CALN1: variants seen among roughly 807,000 people sequenced by gnomAD.
CALN1 encodes calcium-binding protein 8.
A neutral mutation model predicts 30.6 loss-of-function variants in CALN1; 17 were observed. The ratio of observed to expected loss-of-function variants is 0.56; its 90% confidence interval spans 0.38 to 0.83. CALN1 has a LOEUF of 0.83. CALN1 is among the 40% of genes least tolerant of loss of function. The pLI is 0.00. For synonymous variants in CALN1, 156 were observed against 131.4 expected (o/e 1.19, Z -1.28); for missense variants, 291 against 354.9 (o/e 0.82, Z 1.45).
At chr7:72,206,690 A>C (rs1371658301) in intron 3 of CALN1, among the ~76,000 whole-genome samples, 1 of 152,150 alleles carries the variant, frequency 6.6e-6, no homozygotes, top group Non-Finnish European at 1.5e-5. Context: ...TTGTTTTCAA[A>C]GAAAAAAAAA....
intron 5 of CALN1, among the ~76,000 whole-genome samples, chr7:71,902,640 T>C (rs897187293): frequency 6.6e-6 from 1 of 152,192 alleles, no homozygotes; most frequent in Non-Finnish European, 1.5e-5. Flanking sequence ...CTACTGGGTA[T>C]CTACCCGAAG....
chr7:71,868,257 G>A (rs560510548), intron 5 of CALN1, among the ~76,000 whole-genome samples: 4 of 152,268 alleles, frequency 2.6e-5, no homozygotes, highest in South Asian at 2.1e-4. Context: ...AGGAAGCATG[G>A]AGGCTTCTGC....
intron 4 of CALN1, 40 bp from the exon 5 acceptor site, chr7:72,023,809 G>T: frequency 6.8e-7 from 1 of 1,471,812 alleles, no homozygotes; most frequent in Non-Finnish European, 9.5e-7. Context: ...CAAACAAGCT[G>T]AACTTGACCT....
intron 2 of CALN1, among the ~76,000 whole-genome samples, chr7:72,284,190 G>C (rs1269473275): frequency 6.6e-6 from 1 of 152,174 alleles, no homozygotes; most frequent in Non-Finnish European, 1.5e-5. Context: ...TGCTACTCAG[G>C]AGGCTGAGGT....
intron 2 of CALN1, among the ~76,000 whole-genome samples, chr7:72,357,525 T>C (rs1382246979): frequency 6.6e-6 from 1 of 151,820 alleles, no homozygotes; most frequent in Non-Finnish European, 1.5e-5. Flanking sequence ...TAATCAAATC[T>C]CAGGGCTGCC....
At chr7:72,476,732 C>CA in the CALN1 span, among the ~76,000 whole-genome samples, 1 of 152,338 alleles carries the variant, frequency 6.6e-6, no homozygotes, top group Non-Finnish European at 1.5e-5. Context: ...TCATGCATTC[C>CA]ACACAATGAT....
At position 71,918,824 on chromosome 7, in the gene CALN1, G is replaced by C. The variant is rs972050012; in HGVS notation, c.501+104833C>G. Reference sequence around the variant, plus strand: ...ATCCATCTCTTAAAGCCATGTTCAAGTCTTCCTTCCTTTGTGAGACACTCC... The same window carrying C: ...ATCCATCTCTTAAAGCCATGTTCAACTCTTCCTTCCTTTGTGAGACACTCC... On this transcript the variant is annotated intron_variant, in intron 5 of 6. Transcript: ENST00000395275. Among the ~76,000 whole-genome samples the C allele has an allele frequency of 3.9e-5, 6 of 152,148 alleles. No individual in the cohort carries two copies. The East Asian group carries it at 1.2e-3, about 29-fold the overall frequency.
intron 4 of CALN1, among the ~76,000 whole-genome samples, chr7:72,032,873 C>T (rs1801551675): frequency 6.6e-6 from 1 of 152,158 alleles, no homozygotes; most frequent in African/African-American, 2.4e-5. Context: ...TGTTCAGGCC[C>T]TGCAGGGTCC....
chr7:71,896,163 C>T (rs964568343), intron 5 of CALN1, among the ~76,000 whole-genome samples: 1 of 152,054 alleles, frequency 6.6e-6, no homozygotes, highest in South Asian at 2.1e-4. Flanking sequence ...GTTTTTTAAC[C>T]GTCCATTCAT....
At chr7:72,453,068 G>A in the CALN1 span, among the ~76,000 whole-genome samples, 3 of 152,180 alleles carry the variant, frequency 2.0e-5, no homozygotes, top group African/African-American at 7.2e-5. Context: ...CCCCTCAGAG[G>A]TCCAGCCCTT....
chr7:72,225,758 G>C (rs1793627563), intron 3 of CALN1, among the ~76,000 whole-genome samples: 1 of 152,102 alleles, frequency 6.6e-6, no homozygotes, highest in Non-Finnish European at 1.5e-5. Flanking sequence ...TACCCACAAT[G>C]TCTAAGGCTT....
chr7:71,941,838 T>C (rs36046543), intron 5 of CALN1, among the ~76,000 whole-genome samples: 58,185 of 151,978 alleles, frequency 0.38, 11,358 homozygotes, highest in East Asian at 0.6. Context: ...TGAGTGAGAA[T>C]GTTTATTAGA....
At chr7:71,945,272 A>C (rs1235284041) in intron 5 of CALN1, among the ~76,000 whole-genome samples, 1 of 152,244 alleles carries the variant, frequency 6.6e-6, no homozygotes, top group Non-Finnish European at 1.5e-5. Context: ...ACCAGGAGCC[A>C]AGTAAACCTC....
At chr7:71,790,366 AGAAAAG>A (rs1407758895) in intron 6 of CALN1, among the ~76,000 whole-genome samples, 1 of 81,672 alleles carries the variant, frequency 1.2e-5, no homozygotes, top group African/African-American at 4.3e-5. Context: ...AAAGAAAGAA[AGAAAAG>A]AAAGAAAGAA....
intron 4 of CALN1, among the ~76,000 whole-genome samples, chr7:72,060,154 G>A (rs1300629115): frequency 6.6e-6 from 1 of 152,042 alleles, no homozygotes; most frequent in African/African-American, 2.4e-5. Flanking sequence ...AGAGAGTGGG[G>A]GAAATACTTC....
chr7:72,330,527 C>CT (rs1801601871), intron 2 of CALN1, among the ~76,000 whole-genome samples: 1 of 150,458 alleles, frequency 6.6e-6, no homozygotes, highest in Non-Finnish European at 1.5e-5. Flanking sequence ...TGAAGCAGTG[C>CT]TTGCATCTGT....
At chr7:71,790,356 AAAGAAAGAAAGAAAAGAAAGAAAG>A in intron 6 of CALN1, among the ~76,000 whole-genome samples, 1 of 102,022 alleles carries the variant, frequency 9.8e-6, no homozygotes, top group African/African-American at 3.4e-5. Context: ...GAAAAGAAAG[AAAGAAAGAAAGAAAAGAAAGAAAG>A]AAAGAAAGAA....
intron 3 of CALN1, among the ~76,000 whole-genome samples, chr7:72,247,182 G>A (rs1387569263): frequency 1.4e-5 from 2 of 145,862 alleles, no homozygotes; most frequent in Non-Finnish European, 3.0e-5. Flanking sequence ...CATGAACTTC[G>A]TGGGTCCTTG....
At chr7:72,490,361 A>T in the CALN1 span, among the ~76,000 whole-genome samples, 1 of 152,212 alleles carries the variant, frequency 6.6e-6, no homozygotes, top group Non-Finnish European at 1.5e-5. Flanking sequence ...ATGTTGACAG[A>T]GAGGGTTATA....
Sources: gnomAD v4.1 joint callset for allele counts (sites outside exome capture counted in the v4.1 genomes callset) on GRCh38, gnomAD v4.1.1 for gene constraint, MANE v1.5 for transcripts, NCBI Gene and HGNC (gene_info 2026-07-23, HGNC 2026-07-21) for gene names.